NEGR1: variants seen among roughly 807,000 people sequenced by gnomAD.
NEGR1 encodes the protein IgLON family member 4.
Under a neutral mutation model 40.9 loss-of-function variants are expected in NEGR1, and 10 were observed. That is an observed-to-expected ratio of 0.24 (90% confidence interval 0.15 to 0.42). The LOEUF (loss-of-function observed/expected upper bound fraction) is 0.42. Ranked by LOEUF, NEGR1 falls within the 10% of genes least tolerant of loss-of-function variation. The pLI is 1.00. For synonymous variants in NEGR1, 185 were observed against 166.8 expected (o/e 1.11, Z -0.84); for missense variants, 352 against 438.9 (o/e 0.80, Z 1.77).
At chr1:71,968,790 T>C (rs960533838) in intron 1 of NEGR1, among the ~76,000 whole-genome samples, 7 of 149,084 alleles carry the variant, frequency 4.7e-5, no homozygotes, top group Admixed American at 4.0e-4. Context: ...CTCTACATGA[T>C]GGCAAGTGAT....
chr1:72,006,425 T>G (rs1646607223), intron 1 of NEGR1, among the ~76,000 whole-genome samples: 1 of 152,162 alleles, frequency 6.6e-6, no homozygotes, highest in Non-Finnish European at 1.5e-5. Context: ...TAATATATGT[T>G]CTATCAGAAG....
chr1:72,063,002 G>T (rs1293854704), intron 1 of NEGR1, among the ~76,000 whole-genome samples: 5 of 151,864 alleles, frequency 3.3e-5, no homozygotes, highest in Non-Finnish European at 5.9e-5. Flanking sequence ...GAAAGGAAAA[G>T]AAGGAAGTTC....
chr1:71,841,236 T>G (rs1433836063), intron 2 of NEGR1, among the ~76,000 whole-genome samples: 1 of 152,154 alleles, frequency 6.6e-6, no homozygotes, highest in Non-Finnish European at 1.5e-5. Flanking sequence ...TCTCAATTTC[T>G]GCATAATAAC....
Position 72,278,483 on chromosome 1 carries a change from T to C in NEGR1, c.176+3836A>G, listed in dbSNP as rs536534360. Among the ~76,000 whole-genome samples the C allele has an allele frequency of 2.0e-5, 3 of 152,238 alleles. No homozygotes were observed. The East Asian group carries it at 5.8e-4, about 29-fold the overall frequency. Reference sequence around the variant, plus strand: ...AGGGGTATTAAACATTTTTGATATGTTTACATAACAGTATTTGTTAATAAG... The same window carrying C: ...AGGGGTATTAAACATTTTTGATATGCTTACATAACAGTATTTGTTAATAAG... On this transcript the variant is annotated intron_variant, in intron 1 of 6. Transcript: ENST00000357731.
intron 2 of NEGR1, among the ~76,000 whole-genome samples, chr1:71,787,546 G>C (rs1171398123): frequency 6.6e-6 from 1 of 152,016 alleles, no homozygotes; most frequent in Non-Finnish European, 1.5e-5. Flanking sequence ...TAGAACTTAA[G>C]ACTGGAAATA....
chr1:72,074,149 A>C (rs930026279), intron 1 of NEGR1, among the ~76,000 whole-genome samples: 1 of 152,058 alleles, frequency 6.6e-6, no homozygotes, highest in Non-Finnish European at 1.5e-5. Flanking sequence ...TATGTCTTAT[A>C]ATAGATGACA....
At chr1:71,975,024 A>G (rs941334458) in intron 1 of NEGR1, among the ~76,000 whole-genome samples, 9 of 152,224 alleles carry the variant, frequency 5.9e-5, no homozygotes, top group Non-Finnish European at 8.8e-5. Context: ...AAAATGTAAC[A>G]TTAGGAAAAG....
chr1:71,434,066 A>G (rs1280595954), intron 6 of NEGR1, among the ~76,000 whole-genome samples: 1 of 152,198 alleles, frequency 6.6e-6, no homozygotes, highest in Non-Finnish European at 1.5e-5. Flanking sequence ...ACTGGTTAGA[A>G]TTATGTGGGT....
At chr1:71,791,542 A>C (rs1657118554) in intron 2 of NEGR1, among the ~76,000 whole-genome samples, 2 of 152,116 alleles carry the variant, frequency 1.3e-5, no homozygotes, top group Non-Finnish European at 2.9e-5. Context: ...ACCTATATAT[A>C]AGATACATTT....
At chr1:71,862,896 A>C (rs1659993284) in intron 2 of NEGR1, among the ~76,000 whole-genome samples, 1 of 152,150 alleles carries the variant, frequency 6.6e-6, no homozygotes, top group South Asian at 2.1e-4. Context: ...AACCACAATG[A>C]GATACTATCT....
chr1:71,590,446 T>C (rs139558023), intron 6 of NEGR1, among the ~76,000 whole-genome samples: 1 of 152,092 alleles, frequency 6.6e-6, no homozygotes, highest in Non-Finnish European at 1.5e-5. Flanking sequence ...CACTTCTCAC[T>C]CATCTGAGAA....
chr1:72,108,497 A>G (rs1048566502), intron 1 of NEGR1, among the ~76,000 whole-genome samples: 8 of 151,412 alleles, frequency 5.3e-5, no homozygotes, highest in African/African-American at 1.9e-4. Flanking sequence ...ATAACCCTAG[A>G]CTCTCAGAAT....
At chr1:72,190,498 ATT>A (rs1652782024) in intron 1 of NEGR1, among the ~76,000 whole-genome samples, 1 of 151,640 alleles carries the variant, frequency 6.6e-6, no homozygotes, top group African/African-American at 2.4e-5. Context: ...GAATGGAGAT[ATT>A]TAATTTTAAT....
intron 3 of NEGR1, among the ~76,000 whole-genome samples, chr1:71,727,477 A>G (rs893948191): frequency 6.6e-6 from 1 of 152,188 alleles, no homozygotes; most frequent in Non-Finnish European, 1.5e-5. Flanking sequence ...AAATATGTCA[A>G]TAATCCATGG....
At chr1:72,107,414 T>TC (rs1649180455) in intron 1 of NEGR1, among the ~76,000 whole-genome samples, 1 of 151,692 alleles carries the variant, frequency 6.6e-6, no homozygotes, top group Admixed American at 6.6e-5. Flanking sequence ...AAATTTTTTT[T>TC]CAGAAACTTT....
At chr1:71,493,856 C>T (rs1169428071) in intron 6 of NEGR1, among the ~76,000 whole-genome samples, 3 of 152,164 alleles carry the variant, frequency 2.0e-5, no homozygotes, top group South Asian at 2.1e-4. Context: ...TCTAGTCCAA[C>T]TTATTTATCT....
chr1:72,255,987 G>A lies in NEGR1; in HGVS notation c.176+26332C>T, dbSNP rs551890449. Reference sequence around the variant, plus strand: ...GTATGTCATGTTTTATATGGTAATTGTACAATAAAAGGATCAGCAACAAAT... The same window carrying A: ...GTATGTCATGTTTTATATGGTAATTATACAATAAAAGGATCAGCAACAAAT... On this transcript the variant is annotated intron_variant, in intron 1 of 6. Transcript: ENST00000357731. 2.0e-5 allele frequency among the ~76,000 whole-genome samples: 3 copies of A among 152,258 alleles called. No individual in the cohort carries two copies. The South Asian group carries it at 6.2e-4, about 32-fold the overall frequency.
At chr1:71,543,850 A>G (rs1407504634) in intron 6 of NEGR1, among the ~76,000 whole-genome samples, 1 of 151,790 alleles carries the variant, frequency 6.6e-6, no homozygotes, top group African/African-American at 2.4e-5. Flanking sequence ...TGCCTACAAC[A>G]TTAAACTCTT....
intron 2 of NEGR1, among the ~76,000 whole-genome samples, chr1:71,917,984 G>T (rs1375324714): frequency 1.3e-5 from 2 of 150,626 alleles, no homozygotes; most frequent in Non-Finnish European, 3.0e-5. Flanking sequence ...TTGGGAGGCC[G>T]AGGCGGGCGG....
Sources: allele counts gnomAD v4.1 joint callset (sites outside exome capture counted in the v4.1 genomes callset), GRCh38; gene constraint gnomAD v4.1.1; transcripts MANE v1.5; gene names NCBI Gene and HGNC (gene_info 2026-07-23, HGNC 2026-07-21).